Variants in GLMN observed in about 807,000 individuals in gnomAD.
GLMN encodes the protein glomulin.
Under a neutral mutation model 87.8 loss-of-function variants are expected in GLMN, and 75 were observed. The observed-to-expected ratio is 0.85, with a 90% CI of 0.71 to 1.04. GLMN has a LOEUF of 1.04. Ranked by LOEUF, GLMN falls within the 50% of genes least tolerant of loss-of-function variation. The probability of loss-of-function intolerance (pLI) is 0.00; values close to 1 mark genes in which losing one functional copy is unlikely to be tolerated. For synonymous variants in GLMN, 206 were observed against 221.6 expected, an observed-to-expected ratio of 0.93 and a Z score of 0.63; for missense variants, 588 against 658.8, an observed-to-expected ratio of 0.89 and a Z score of 1.18.
intron 13 of GLMN, 60 bp downstream of exon 13, chr1:92,266,359 G>T: frequency 2.3e-6 from 2 of 869,928 alleles, no homozygotes; most frequent in Non-Finnish European, 4.0e-6. Context: ...ACAATTACAT[G>T]GCATTAACAT....
At chr1:92,340,214 T>C in the GLMN span, among the ~76,000 whole-genome samples, 2 of 152,212 alleles carry the variant, frequency 1.3e-5, no homozygotes, top group Non-Finnish European at 2.9e-5. Context: ...GTAGCTTTGA[T>C]AAAAATTGCT....
intron 3 of GLMN, among the ~76,000 whole-genome samples, chr1:92,296,548 C>G (rs1650079389): frequency 6.6e-6 from 1 of 152,200 alleles, no homozygotes. Context: ...TCACCTCCAC[C>G]TGGTCCCATC....
the GLMN span, among the ~76,000 whole-genome samples, chr1:92,311,145 G>A: frequency 0.015 from 2,355 of 152,280 alleles, 30 homozygotes; most frequent in Non-Finnish European, 0.026. Context: ...GAAGAGCGCT[G>A]TTTTGTTGGA....
the GLMN span, chr1:92,320,534 T>C: frequency 7.4e-7 from 1 of 1,352,276 alleles, no homozygotes; most frequent in Non-Finnish European, 1.1e-6. Context: ...CCTCCGAAAG[T>C]GCTGGGGTTA....
chr1:92,295,274 C>A (rs1373416463), intron 3 of GLMN, among the ~76,000 whole-genome samples: 2 of 151,816 alleles, frequency 1.3e-5, no homozygotes, highest in Non-Finnish European at 2.9e-5. Context: ...GATCTTGGGC[C>A]TCTTCTCTTC....
chr1:92,301,404 T>C (rs1235116945), upstream of GLMN: 3 of 717,274 alleles, frequency 4.2e-6, no homozygotes, highest in South Asian at 3.5e-5. Flanking sequence ...GTTAGGTTAG[T>C]ATTGTATTTT....
At position 92,284,188 on chromosome 1, in the gene GLMN, G is replaced by C. The variant is rs184388005; in HGVS notation, c.735+2302C>G. Among the ~76,000 whole-genome samples, 651 of 152,250 alleles carry C rather than the reference G, an allele frequency of 4.3e-3. 3 individuals carry two copies. The highest frequency in any genetic ancestry group is 9.3e-3 in the South Asian group (45 of 4,820). ...GACAATCCTAAGCCAAAAGAACAAA[G>C]CTGGAGGCATCAAGCTACCTGACTT... On this transcript the variant is annotated intron_variant, in intron 7 of 18. Coordinates refer to ENST00000370360, the MANE Select transcript of GLMN (RefSeq NM_053274.3).
chr1:92,328,421 CT>C, the GLMN span, among the ~76,000 whole-genome samples: 1 of 152,194 alleles, frequency 6.6e-6, no homozygotes, highest in Non-Finnish European at 1.5e-5. Context: ...AGTTCTTCTA[CT>C]TGCTCAATTT....
At chr1:92,364,221 C>G in the GLMN span, among the ~76,000 whole-genome samples, 2 of 152,130 alleles carry the variant, frequency 1.3e-5, no homozygotes, top group Non-Finnish European at 2.9e-5. Flanking sequence ...CTCCATACCA[C>G]CAGTAGTTTC....
At chr1:92,330,439 ATTTTTTTTTT>A in the GLMN span, among the ~76,000 whole-genome samples, 28 of 61,452 alleles carry the variant, frequency 4.6e-4, no homozygotes, top group Admixed American at 1.2e-3. Context: ...TGGGTTGTCA[ATTTTTTTTTT>A]TTTTTTTTTT....
the GLMN span, among the ~76,000 whole-genome samples, chr1:92,368,710 T>G: frequency 6.6e-6 from 1 of 152,252 alleles, no homozygotes; most frequent in African/African-American, 2.4e-5. Flanking sequence ...ATAATTCCTG[T>G]TAACCAGATG....
chr1:92,281,457 C>G (rs969280245), intron 7 of GLMN, among the ~76,000 whole-genome samples: 6 of 152,134 alleles, frequency 3.9e-5, no homozygotes, highest in Non-Finnish European at 8.8e-5. Flanking sequence ...CTTACAAAAG[C>G]TCCTGAAGGA....
chr1:92,291,561 A>G lies in GLMN; in HGVS notation c.166-24T>C, dbSNP rs777667563. On this transcript the variant is annotated intron_variant, in intron 3 of 18. Transcript: ENST00000370360. ...ACCTGTAAAAACATTTTCAGAGTAA[A>G]GCAAACACTGCCATCTATAGGACTC... 20 of 1,611,822 alleles carry G rather than the reference A, an allele frequency of 1.2e-5. No individual in the cohort carries two copies. In the East Asian group the frequency reaches 4.5e-4, roughly 36 times the overall value.
At chr1:92,340,692 A>G in the GLMN span, among the ~76,000 whole-genome samples, 416 of 152,256 alleles carry the variant, frequency 2.7e-3, 1 homozygote, top group Middle Eastern at 3.4e-3. Context: ...TTAAGAGCCT[A>G]TTTTGGGACC....
intron 7 of GLMN, among the ~76,000 whole-genome samples, chr1:92,284,137 A>T (rs927768870): frequency 1.3e-5 from 2 of 152,178 alleles, no homozygotes; most frequent in Non-Finnish European, 2.9e-5. Context: ...GTTGATATGG[A>T]ACCAAAAAAG....
At chr1:92,290,447 T>C in intron 4 of GLMN, 141 bp from the exon 5 acceptor site, 1 of 645,882 alleles carries the variant, frequency 1.5e-6, no homozygotes, top group African/African-American at 1.8e-5. Flanking sequence ...TATACAATTG[T>C]TGAAAAAATA....
chr1:92,355,269 C>T, the GLMN span, among the ~76,000 whole-genome samples: 3 of 152,002 alleles, frequency 2.0e-5, no homozygotes, highest in Admixed American at 2.0e-4. Flanking sequence ...TGGATATATC[C>T]TATTTTTGTT....
chr1:92,301,466 CA>C (rs1476459693), upstream of GLMN: 1 of 1,491,430 alleles, frequency 6.7e-7, no homozygotes, highest in African/African-American at 1.4e-5. Flanking sequence ...GTTTCTCTTT[CA>C]AATTTTAGGA....
the GLMN span, among the ~76,000 whole-genome samples, chr1:92,348,743 A>C: frequency 6.6e-6 from 1 of 152,224 alleles, no homozygotes; most frequent in African/African-American, 2.4e-5. Flanking sequence ...TTAGGGATAA[A>C]ATTAAAATAC....
Sources: gnomAD v4.1 joint callset for allele counts (sites outside exome capture counted in the v4.1 genomes callset) on GRCh38, gnomAD v4.1.1 for gene constraint, MANE v1.5 for transcripts, NCBI Gene and HGNC (gene_info 2026-07-23, HGNC 2026-07-21) for gene names.